Variants in SLC9A9 observed in about 807,000 individuals in gnomAD.
SLC9A9 encodes sodium/hydrogen exchanger 9.
A neutral mutation model predicts 77.8 loss-of-function variants in SLC9A9; 62 were observed. The ratio of observed to expected loss-of-function variants is 0.80; its 90% CI spans 0.65 to 0.98. The LOEUF is 0.98. Among genes scored for constraint, SLC9A9 ranks in the 50% least tolerant of loss-of-function variants. The pLI is 0.00. For missense variants in SLC9A9, 775 were observed against 774.9 expected (o/e 1.00, Z 0.00); for synonymous variants, 320 against 283.5 (o/e 1.13, Z -1.29).
At chr3:143,330,169 G>A (rs1436198133) in intron 14 of SLC9A9, among the ~76,000 whole-genome samples, 2 of 152,296 alleles carry the variant, frequency 1.3e-5, no homozygotes, top group African/African-American at 2.4e-5. Context: ...GTGAAGAGGA[G>A]ATCATTTTAA....
At chr3:143,470,859 A>G (rs988293683) in intron 11 of SLC9A9, among the ~76,000 whole-genome samples, 2 of 152,226 alleles carry the variant, frequency 1.3e-5, no homozygotes, top group African/African-American at 4.8e-5. Context: ...AATTATCTAT[A>G]CATGAGCAAT....
chr3:143,423,147 G>A (rs182545715), intron 12 of SLC9A9, among the ~76,000 whole-genome samples: 6 of 151,870 alleles, frequency 4.0e-5, no homozygotes, highest in African/African-American at 1.2e-4. Context: ...GAAGGTATTA[G>A]AACACACACA....
chr3:143,423,240 C>T lies in SLC9A9; in HGVS notation c.1470-41126G>A, dbSNP rs996825609. ...GTACACACACACACACGTGTACACA[C>T]GCGCGTGTACACACACACACACACA... On this transcript the variant is annotated intron_variant, in intron 12 of 15. Coordinates refer to ENST00000316549, the MANE Select transcript of SLC9A9 (RefSeq NM_173653.4). Among the ~76,000 whole-genome samples, 40 of 129,056 alleles carry T rather than the reference C, an allele frequency of 3.1e-4. 1 individual carries two copies. The highest frequency in any genetic ancestry group is 1.0e-3 in the African/African-American group (36 of 34,300). 84.7% of individuals were successfully genotyped at this position (129,056 alleles called of 152,430 possible).
chr3:143,828,209 C>T (rs900677187), intron 2 of SLC9A9, among the ~76,000 whole-genome samples: 1 of 152,158 alleles, frequency 6.6e-6, no homozygotes, highest in African/African-American at 2.4e-5. Flanking sequence ...TCTCAGGTGT[C>T]TACAAACATT....
chr3:143,738,986 T>A (rs1935013346), intron 4 of SLC9A9, among the ~76,000 whole-genome samples: 1 of 151,858 alleles, frequency 6.6e-6, no homozygotes, highest in African/African-American at 2.4e-5. Flanking sequence ...TTTTATGGAG[T>A]CTCCAAGTCA....
chr3:143,722,985 T>A (rs1001059481), intron 4 of SLC9A9, among the ~76,000 whole-genome samples: 3 of 152,276 alleles, frequency 2.0e-5, no homozygotes, highest in Admixed American at 2.0e-4. Context: ...ATGCTACCTA[T>A]TTTTTTCTGT....
chr3:143,446,894 G>GCA (rs2034855897), intron 12 of SLC9A9, among the ~76,000 whole-genome samples: 1 of 152,048 alleles, frequency 6.6e-6, no homozygotes, highest in African/African-American at 2.4e-5. Flanking sequence ...GTGTGTGTGT[G>GCA]TGTGCATGCA....
At chr3:143,695,853 G>T (rs1025277429) in intron 4 of SLC9A9, among the ~76,000 whole-genome samples, 2 of 152,100 alleles carry the variant, frequency 1.3e-5, no homozygotes, top group Admixed American at 1.3e-4. Flanking sequence ...ATTCTAACTG[G>T]CGTGAGATGG....
At chr3:143,357,401 T>C (rs1287224484) in intron 14 of SLC9A9, among the ~76,000 whole-genome samples, 1 of 152,080 alleles carries the variant, frequency 6.6e-6, no homozygotes, top group African/African-American at 2.4e-5. Context: ...CTCCACATAG[T>C]GGGTAATCAA....
chr3:143,434,912 G>C (rs565492849), intron 12 of SLC9A9, among the ~76,000 whole-genome samples: 3 of 151,902 alleles, frequency 2.0e-5, no homozygotes, highest in South Asian at 2.1e-4. Flanking sequence ...TCCACCCCAC[G>C]AGCCCCTTCT....
At chr3:143,661,759 A>G (rs1006730082) in intron 5 of SLC9A9, among the ~76,000 whole-genome samples, 5 of 152,148 alleles carry the variant, frequency 3.3e-5, no homozygotes, top group African/African-American at 1.2e-4. Flanking sequence ...TCCTGACCTC[A>G]AATGATCCAC....
At chr3:143,293,750 T>C (rs2030122548) in intron 14 of SLC9A9, among the ~76,000 whole-genome samples, 1 of 152,160 alleles carries the variant, frequency 6.6e-6, no homozygotes, top group South Asian at 2.1e-4. Context: ...AAGCATTGGG[T>C]AGTCTCAGAG....
intron 14 of SLC9A9, among the ~76,000 whole-genome samples, chr3:143,302,092 T>G (rs1298871230): frequency 6.6e-6 from 1 of 152,130 alleles, no homozygotes; most frequent in Non-Finnish European, 1.5e-5. Flanking sequence ...TGCTAGGGGC[T>G]TTAAGACAGT....
chr3:143,474,270 A>G (rs1029773566), intron 11 of SLC9A9, among the ~76,000 whole-genome samples: 3 of 152,230 alleles, frequency 2.0e-5, no homozygotes, highest in African/African-American at 7.2e-5. Context: ...GAGGTGACAT[A>G]GCCAAATCAT....
intron 6 of SLC9A9, among the ~76,000 whole-genome samples, chr3:143,606,184 C>A (rs1021020364): frequency 2.6e-5 from 4 of 151,806 alleles, no homozygotes; most frequent in African/African-American, 7.3e-5. Context: ...GTGGGTGGAC[C>A]ACCTGAGGTC....
intron 12 of SLC9A9, among the ~76,000 whole-genome samples, chr3:143,396,437 C>G (rs2108509097): frequency 6.6e-6 from 1 of 152,120 alleles, no homozygotes; most frequent in African/African-American, 2.4e-5. Flanking sequence ...CACACACAGC[C>G]TGTTGTGGGT....
At chr3:143,761,943 A>G (rs896901705) in intron 4 of SLC9A9, among the ~76,000 whole-genome samples, 3 of 152,196 alleles carry the variant, frequency 2.0e-5, no homozygotes, top group African/African-American at 7.2e-5. Context: ...AACCAACCCA[A>G]ATGTCCATCA....
intron 14 of SLC9A9, among the ~76,000 whole-genome samples, chr3:143,314,798 T>C (rs1576418838): frequency 6.6e-6 from 1 of 152,134 alleles, no homozygotes; most frequent in Non-Finnish European, 1.5e-5. Flanking sequence ...GGTAAAAATA[T>C]CACCGGAGAC....
At chr3:143,674,074 G>A (rs1445556608) in intron 5 of SLC9A9, among the ~76,000 whole-genome samples, 1 of 152,144 alleles carries the variant, frequency 6.6e-6, no homozygotes, top group African/African-American at 2.4e-5. Context: ...TAATAAAAAT[G>A]TGTTTTAAAA....
Sources: allele counts gnomAD v4.1 joint callset (sites outside exome capture counted in the v4.1 genomes callset), GRCh38; gene constraint gnomAD v4.1.1; transcripts MANE v1.5; gene names NCBI Gene and HGNC (gene_info 2026-07-23, HGNC 2026-07-21).